The following DISP1 variants were observed in gnomAD, a reference collection of about 807,000 sequenced individuals.
DISP1 encodes the protein dispatched RND transporter family member 1, also known as protein dispatched homolog 1.
DISP1 carries 30 observed loss-of-function variants against 37.3 expected under a neutral mutation model. The ratio of observed to expected loss-of-function variants is 0.80; its 90% CI spans 0.60 to 1.09. The LOEUF is 1.09. Ranked by LOEUF, DISP1 falls within the 50% of genes least tolerant of loss-of-function variation. The pLI is 0.00. For missense variants in DISP1, 1,598 were observed against 1,879.5 expected (o/e 0.85, Z 2.77); for synonymous variants, 634 against 690.2 (o/e 0.92, Z 1.28).
intron 3 of DISP1, among the ~76,000 whole-genome samples, chr1:222,961,163 G>A (rs1387276096): frequency 2.0e-5 from 3 of 151,790 alleles, no homozygotes; most frequent in African/African-American, 4.8e-5. Context: ...GAGACACAAC[G>A]AAAAAAAGAA....
chr1:222,894,956 A>G (rs558355988), intron 1 of DISP1, among the ~76,000 whole-genome samples: 5 of 152,210 alleles, frequency 3.3e-5, no homozygotes, highest in Non-Finnish European at 5.9e-5. Flanking sequence ...ACCACCTAAG[A>G]GATTGATTTG....
chr1:222,890,561 G>A (rs1670882800), intron 1 of DISP1, among the ~76,000 whole-genome samples: 1 of 152,102 alleles, frequency 6.6e-6, no homozygotes, highest in African/African-American at 2.4e-5. Flanking sequence ...CATTTTGGGG[G>A]AATCGGGGAA....
Position 222,987,233 on chromosome 1 carries a change from A to G in DISP1, c.540-3392A>G, listed in dbSNP as rs566965849. Among the ~76,000 whole-genome samples, 108 of 152,316 alleles carry G rather than the reference A, an allele frequency of 7.1e-4. 4 individuals are homozygous for G. In the East Asian group the frequency reaches 0.019, roughly 27 times the overall value. ...TTTCCCATGTGGTACCCACAGCTAT[A>G]CTATATATTTGCATAGATAGCAGGA... is the stretch of plus-strand genomic sequence containing the variant. On this transcript the variant is annotated intron_variant, in intron 4 of 8. Coordinates refer to ENST00000675850, the MANE Select transcript of DISP1 (RefSeq NM_001377229.1).
chr1:222,849,155 T>A, intron 1 of DISP1, among the ~76,000 whole-genome samples: 1 of 152,214 alleles, frequency 6.6e-6, no homozygotes, highest in East Asian at 1.9e-4. Context: ...GTTATTTGAC[T>A]ACCATCAGGT....
intron 3 of DISP1, among the ~76,000 whole-genome samples, chr1:222,976,075 C>G (rs1404145952): frequency 6.6e-6 from 1 of 152,046 alleles, no homozygotes; most frequent in Admixed American, 6.6e-5. Flanking sequence ...GAAAAATGTT[C>G]CCACTGAAGA....
In DISP1 at chr1:222,879,917, T is replaced by C. The variant is rs114601877; in HGVS notation, c.-158-48513T>C. 8.3e-3 allele frequency among the ~76,000 whole-genome samples: 1,267 copies of C among 152,180 alleles called. 17 individuals are homozygous for C. Among genetic ancestry groups the C allele is most frequent in the African/African-American group, 0.028 (1,161 of 41,542 alleles). ...GCATTCATACATTGCCTGTGGAATA[T>C]AGAGGAGCATAACATTAAAGAAAAA... is the stretch of plus-strand genomic sequence containing the variant. On this transcript the variant is annotated intron_variant, in intron 1 of 8. Coordinates refer to ENST00000675850, the MANE Select transcript of DISP1 (RefSeq NM_001377229.1).
rs187251171 is a variant in DISP1, at chr1:222,879,911, G to A, written c.-158-48519G>A. ...AAATGAGCATTCATACATTGCCTGTGGAATATAGAGGAGCATAACATTAAA... is the reference window on the plus strand; with the variant it reads ...AAATGAGCATTCATACATTGCCTGTAGAATATAGAGGAGCATAACATTAAA... On this transcript the variant is annotated intron_variant, in intron 1 of 8. Transcript: ENST00000675850. Among the ~76,000 whole-genome samples the A allele has an allele frequency of 2.1e-3, 321 of 152,070 alleles. 1 individual carries two copies. The highest frequency in any genetic ancestry group is 7.5e-3 in the African/African-American group (312 of 41,492).
intron 4 of DISP1, among the ~76,000 whole-genome samples, chr1:222,985,242 A>G (rs1678181707): frequency 6.6e-6 from 1 of 152,256 alleles, no homozygotes; most frequent in East Asian, 1.9e-4. Context: ...GTACATGTGC[A>G]TATAAATATA....
chr1:222,874,876 C>T (rs1669869868), intron 1 of DISP1, among the ~76,000 whole-genome samples: 1 of 152,004 alleles, frequency 6.6e-6, no homozygotes, highest in Non-Finnish European at 1.5e-5. Flanking sequence ...TGTTTTTTCC[C>T]CATCTTTGTG....
chr1:222,995,894 G>A (rs994904675), intron 8 of DISP1, among the ~76,000 whole-genome samples: 2 of 152,156 alleles, frequency 1.3e-5, no homozygotes, highest in Admixed American at 6.5e-5. Flanking sequence ...AATGAAATAG[G>A]CAGTAGAAAG....
At chr1:222,958,885 TATATGGCTTC>T (rs1675819165) in intron 3 of DISP1, among the ~76,000 whole-genome samples, 1 of 152,190 alleles carries the variant, frequency 6.6e-6, no homozygotes. Context: ...TAACCAGCTA[TATATGGCTTC>T]TACATTAATG....
intron 1 of DISP1, among the ~76,000 whole-genome samples, chr1:222,831,226 A>ATTATCTGTTAAGTTACTACCCCAG (rs1252858834): frequency 1.3e-5 from 2 of 152,198 alleles, no homozygotes; most frequent in East Asian, 3.8e-4. Context: ...TTTCAGCACC[A>ATTATCTGTTAAGTTACTACCCCAG]TTATCTGTTA....
chr1:222,818,585 A>G (rs546366478), intron 1 of DISP1, among the ~76,000 whole-genome samples: 8 of 152,366 alleles, frequency 5.3e-5, no homozygotes, highest in Admixed American at 4.6e-4. Flanking sequence ...GGAGTTGGCA[A>G]GTACAAAATT....
intron 8 of DISP1, among the ~76,000 whole-genome samples, chr1:223,001,219 C>T (rs1679419719): frequency 1.3e-5 from 2 of 152,126 alleles, no homozygotes; most frequent in Admixed American, 1.3e-4. Flanking sequence ...CTGTCCACAC[C>T]AAATCCAGAA....
At position 223,004,042 on chromosome 1, in the gene DISP1, A is replaced by T; in HGVS notation, c.2645A>T (p.Lys882Met). 1 of 1,614,174 alleles carries T rather than the reference A, an allele frequency of 6.2e-7. No individual in the cohort carries two copies. The highest frequency in any genetic ancestry group is 1.1e-5 in the South Asian group (1 of 91,080). Residue 882 changes from lysine to methionine, a missense_variant, in exon 9 of 9, where the codon AAG (lysine) becomes ATG (methionine). Coordinates refer to ENST00000675850, the MANE Select transcript of DISP1 (RefSeq NM_001377229.1). The surrounding 1 kb of genome is among the most constrained non-coding windows in gnomAD (Gnocchi z 4.9). ...TGCAGCCACTGGAGCTTCCCCTACA[A>T]GCAAGAGATTTTTGAACTGTGCATC... The part of the protein sequence containing the change: ...PCCSHWSFPY[K>M]QEIFELCIKR...
At position 222,990,667 on chromosome 1, in the gene DISP1, C is replaced by T. The variant is rs756701516; in HGVS notation, c.582C>T (p.Gly194=). The change falls in exon 5 of 9, where the codon GGC becomes GGT. Residue 194 remains glycine, a synonymous_variant. Transcript: ENST00000675850. ...LIADWPVVVL[G]MCTMFIVVCA... ...CCGACTGGCCGGTGGTGGTCTTGGG[C>T]ATGTGCACCATGTTCATCGTAGTCT... is the stretch of plus-strand genomic sequence containing the variant. 3 of 1,614,074 alleles carry T rather than the reference C, an allele frequency of 1.9e-6. No homozygotes were observed. The South Asian group carries it at 3.3e-5, about 18-fold the overall frequency.
chr1:222,870,038 T>C (rs910567441), intron 1 of DISP1, among the ~76,000 whole-genome samples: 2 of 150,544 alleles, frequency 1.3e-5, no homozygotes, highest in African/African-American at 2.4e-5. Context: ...GAACATGCGG[T>C]GTTTGGTTTT....
intron 3 of DISP1, among the ~76,000 whole-genome samples, chr1:222,975,365 T>G (rs1677238856): frequency 6.6e-6 from 1 of 152,166 alleles, no homozygotes; most frequent in East Asian, 1.9e-4. Context: ...AATTCTGCAG[T>G]TATGTCTAGA....
At position 222,908,774 on chromosome 1, in the gene DISP1, A is replaced by G. The variant is rs376924284; in HGVS notation, c.-158-19656A>G. On this transcript the variant is annotated intron_variant, in intron 1 of 8. Transcript: ENST00000675850. Reference sequence around the variant, plus strand: ...CTTCATAACATAAATATTTCAGTGTAAAATAAGCAGAAGCCTTTTCCAGAA... The same window carrying G: ...CTTCATAACATAAATATTTCAGTGTGAAATAAGCAGAAGCCTTTTCCAGAA... 3.3e-5 allele frequency among the ~76,000 whole-genome samples: 5 copies of G among 152,178 alleles called. No individual in the cohort carries two copies. The East Asian group carries it at 9.6e-4, about 29-fold the overall frequency.
Sources: gnomAD v4.1 joint callset for allele counts (sites outside exome capture counted in the v4.1 genomes callset) on GRCh38, gnomAD v4.1.1 for gene constraint, Gnocchi (gnomAD v3.1) non-coding constraint, MANE v1.5 for transcripts, NCBI Gene and HGNC (gene_info 2026-07-23, HGNC 2026-07-21) for gene names.